HS6ST2: variants seen among roughly 807,000 people sequenced by gnomAD.
HS6ST2 encodes the protein heparan sulfate 6-O-sulfotransferase 2, also known as heparan-sulfate 6-O-sulfotransferase 2.
In HS6ST2, 17 loss-of-function variants were observed where a neutral mutation model predicts 33.0. The ratio of observed to expected loss-of-function variants is 0.52; its 90% CI spans 0.35 to 0.77. HS6ST2 has a LOEUF of 0.77. Among genes scored for constraint, HS6ST2 ranks in the 30% least tolerant of loss-of-function variants. The pLI, the probability that HS6ST2 is intolerant of heterozygous loss-of-function variation, is 0.01. For synonymous variants in HS6ST2, 248 were observed against 237.1 expected (o/e 1.05, Z -0.42); for missense variants, 519 against 551.7 (o/e 0.94, Z 0.59).
rs776742093 is a variant in HS6ST2 at position 132,845,412 on chromosome X, A to C, written c.947+111396T>G. On this transcript the variant is annotated intron_variant, in intron 2 of 4. Transcript: ENST00000370833. ...CCATAATTCAAAAGGGAAGAACATAATTTAGCATCAGTTTAATTGCAACAA... is the reference window on the plus strand; with the variant it reads ...CCATAATTCAAAAGGGAAGAACATACTTTAGCATCAGTTTAATTGCAACAA... Among the ~76,000 whole-genome samples, 3 of 111,407 alleles carry C rather than the reference A, an allele frequency of 2.7e-5. No homozygotes were observed. The Admixed American group carries it at 2.9e-4, about 11-fold the overall frequency.
intron 2 of HS6ST2, among the ~76,000 whole-genome samples, chrX:132,813,311 T>C (rs758283446): frequency 5.4e-4 from 60 of 111,687 alleles, no homozygotes; most frequent in Admixed American, 2.2e-3. Context: ...AATTCCCTTC[T>C]CCCATGATTT....
At chrX:132,717,497 T>A (rs1431725454) in intron 2 of HS6ST2, among the ~76,000 whole-genome samples, 1 of 112,750 alleles carries the variant, frequency 8.9e-6, no homozygotes, top group Non-Finnish European at 1.9e-5. Context: ...ATGAAAGATA[T>A]GAAAACTACC....
intron 2 of HS6ST2, among the ~76,000 whole-genome samples, chrX:132,712,470 G>A (rs1452262659): frequency 8.9e-6 from 1 of 112,361 alleles, no homozygotes; most frequent in Non-Finnish European, 1.9e-5. Flanking sequence ...ACTGGTGGAG[G>A]TGAATGGAGG....
chrX:132,697,435 G>A (rs750537605), intron 3 of HS6ST2, among the ~76,000 whole-genome samples: 2 of 111,784 alleles, frequency 1.8e-5, no homozygotes, highest in Admixed American at 1.9e-4. Context: ...ATTCTGAATC[G>A]GTCTGGTTCT....
chrX:132,918,440 G>A (rs1201738797), intron 2 of HS6ST2, among the ~76,000 whole-genome samples: 1 of 112,347 alleles, frequency 8.9e-6, no homozygotes, highest in African/African-American at 3.2e-5. Flanking sequence ...TTGCCAGGAA[G>A]ACAAAGCGTG....
intron 2 of HS6ST2, among the ~76,000 whole-genome samples, chrX:132,835,612 G>A (rs1016660982): frequency 8.9e-6 from 1 of 112,300 alleles, no homozygotes; most frequent in African/African-American, 3.2e-5. Context: ...GTGGTTTAGA[G>A]AACCAGATTG....
At chrX:132,679,133 C>T (rs906738268) in intron 3 of HS6ST2, among the ~76,000 whole-genome samples, 6 of 112,236 alleles carry the variant, frequency 5.3e-5, no homozygotes, top group African/African-American at 1.6e-4. Flanking sequence ...ATAGCCACCA[C>T]GGAGTACAGA....
At chrX:132,957,358 C>T in intron 1 of HS6ST2, 32 bp from the exon 2 acceptor site, 1 of 1,138,725 alleles carries the variant, frequency 8.8e-7, no homozygotes, top group Non-Finnish European at 1.2e-6. Flanking sequence ...TACGTCAATC[C>T]CGCAGCTCAG....
chrX:132,660,073 T>C (rs1214861662), intron 4 of HS6ST2, among the ~76,000 whole-genome samples: 1 of 111,356 alleles, frequency 9.0e-6, no homozygotes, highest in Non-Finnish European at 1.9e-5. Context: ...TCTCCCCTGC[T>C]TTTTCCAAAT....
At chrX:132,920,940 C>T (rs2066645655) in intron 2 of HS6ST2, among the ~76,000 whole-genome samples, 1 of 112,673 alleles carries the variant, frequency 8.9e-6, no homozygotes, top group Non-Finnish European at 1.9e-5. Flanking sequence ...TTACTTTATC[C>T]TACATTGAAA....
intron 2 of HS6ST2, among the ~76,000 whole-genome samples, chrX:132,941,893 T>C (rs1602909007): frequency 8.9e-6 from 1 of 111,885 alleles, no homozygotes; most frequent in Non-Finnish European, 1.9e-5. Flanking sequence ...ATTCAGACCA[T>C]TTTGTTCAAC....
At chrX:132,769,769 T>C (rs185245596) in intron 2 of HS6ST2, among the ~76,000 whole-genome samples, 82 of 111,927 alleles carry the variant, frequency 7.3e-4, no homozygotes, top group African/African-American at 2.6e-3. Context: ...TGACCAACAG[T>C]TGTGTAGATC....
rs750462865 is a variant in HS6ST2, at chrX:132,765,742, C to T, written c.948-57248G>A. On this transcript the variant is annotated intron_variant, in intron 2 of 4. Coordinates refer to ENST00000370833, the MANE Select transcript of HS6ST2 (RefSeq NM_001394073.1). ...CTGGGATTAGAGGCATGAGCCACTGCACCCGGCCCTAGATTTTAAAATAAT... is the reference window on the plus strand; with the variant it reads ...CTGGGATTAGAGGCATGAGCCACTGTACCCGGCCCTAGATTTTAAAATAAT... Among the ~76,000 whole-genome samples the T allele has an allele frequency of 4.4e-5, 5 of 112,478 alleles. No homozygotes were observed. The South Asian group carries it at 1.9e-3, about 42-fold the overall frequency.
intron 2 of HS6ST2, among the ~76,000 whole-genome samples, chrX:132,823,849 T>TAAAAAAAAA (rs1348912124): frequency 5.4e-5 from 3 of 55,512 alleles, no homozygotes; most frequent in African/African-American, 2.3e-4. Flanking sequence ...TGAGACTTCA[T>TAAAAAAAAA]AAAAAATAAT....
intron 2 of HS6ST2, among the ~76,000 whole-genome samples, chrX:132,922,124 C>A (rs746534340): frequency 9.0e-6 from 1 of 111,647 alleles, no homozygotes; most frequent in African/African-American, 3.3e-5. Flanking sequence ...TAAGCAGGGC[C>A]GGGCATGGTG....
rs963351484 is a variant in HS6ST2, at chrX:132,923,044, C to T, written c.947+33764G>A. On this transcript the variant is annotated intron_variant, in intron 2 of 4. Coordinates refer to ENST00000370833, the MANE Select transcript of HS6ST2 (RefSeq NM_001394073.1). Reference sequence around the variant, plus strand: ...CAGTAGGGCACTCCAGTCTGGGTGACGGAGCTGGACTCTGTCTCAAAAAAA... The same window carrying T: ...CAGTAGGGCACTCCAGTCTGGGTGATGGAGCTGGACTCTGTCTCAAAAAAA... Among the ~76,000 whole-genome samples, 4 of 80,198 alleles carry T rather than the reference C, an allele frequency of 5.0e-5. No individual in the cohort carries two copies. In the Admixed American group the frequency reaches 5.1e-4, roughly 10 times the overall value. 69.6% of individuals were successfully genotyped at this position (80,198 alleles called of 115,157 possible).
chrX:132,756,788 A>C (rs2064759339), intron 2 of HS6ST2, among the ~76,000 whole-genome samples: 2 of 103,803 alleles, frequency 1.9e-5, no homozygotes, highest in African/African-American at 7.1e-5. Context: ...GCTCTCTCTC[A>C]CACGTTCTTG....
intron 2 of HS6ST2, among the ~76,000 whole-genome samples, chrX:132,750,231 T>C (rs1440303212): frequency 9.1e-6 from 1 of 109,929 alleles, no homozygotes; most frequent in East Asian, 2.8e-4. Flanking sequence ...TCTTCTCCAA[T>C]TGCAGTGCCT....
chrX:132,702,299 T>A (rs1312851936), intron 3 of HS6ST2, among the ~76,000 whole-genome samples: 1 of 112,695 alleles, frequency 8.9e-6, no homozygotes, highest in Non-Finnish European at 1.9e-5. Flanking sequence ...CTCTTAATGC[T>A]TGCGTTTTTC....
Sources: gnomAD v4.1 joint callset for allele counts (sites outside exome capture counted in the v4.1 genomes callset) on GRCh38, gnomAD v4.1.1 for gene constraint, MANE v1.5 for transcripts, NCBI Gene and HGNC (gene_info 2026-07-23, HGNC 2026-07-21) for gene names.